Variants in EVC observed in about 807,000 individuals in gnomAD.
EVC encodes the protein evC complex member EVC.
Under a neutral mutation model 118.9 loss-of-function variants are expected in EVC, and 116 were observed. The observed-to-expected ratio is 0.98, with a 90% confidence interval of 0.84 to 1.14. The LOEUF (loss-of-function observed/expected upper bound fraction) is 1.14, where lower values mean the gene tolerates loss of function less well. Among genes scored for constraint, EVC ranks in the 50% most tolerant of loss-of-function variants. The pLI is 0.00. For synonymous variants in EVC, 619 were observed against 534.7 expected (o/e 1.16, Z -2.18); for missense variants, 1,401 against 1,246.4 (o/e 1.12, Z -1.87).
chr4:5,805,130 C>T (rs919105630), intron 17 of EVC, among the ~76,000 whole-genome samples: 11 of 152,148 alleles, frequency 7.2e-5, no homozygotes, highest in Non-Finnish European at 1.5e-4. Context: ...TAGACACGCG[C>T]CTACCCTCTC....
chr4:5,787,295 A>T (rs573186454), intron 12 of EVC, among the ~76,000 whole-genome samples: 63 of 152,374 alleles, frequency 4.1e-4, no homozygotes, highest in African/African-American at 1.3e-3. Context: ...ATGTCTGGTT[A>T]CAAGGCAAAA....
chr4:5,783,891 C>T lies in EVC; in HGVS notation c.1776+127C>T, dbSNP rs373022818. On this transcript the variant is annotated intron_variant, in intron 12 of 20. Coordinates refer to ENST00000264956, the MANE Select transcript of EVC (RefSeq NM_153717.3). ...AGGTGCTCTACGGAGATGACTGTTG[C>T]CTCCCTTTCACAATGGCCCACCACA... 548 of 892,130 alleles carry T rather than the reference C, an allele frequency of 6.1e-4. No homozygotes were observed. In the African/African-American group the frequency reaches 8.0e-3, roughly 13 times the overall value. The allele number at this position is 892,130 out of a possible 1,614,324, so 55.3% of individuals were successfully genotyped here.
Position 5,811,352 on chromosome 4 carries a change from A to G in EVC, c.*315A>G, listed in dbSNP as rs546094341. 4.7e-5 allele frequency: 18 copies of G among 380,816 alleles called. No individual in the cohort carries two copies. Among genetic ancestry groups the G allele is most frequent in the Non-Finnish European group, 8.4e-5 (17 of 201,462 alleles). 23.6% of individuals were successfully genotyped at this position (380,816 alleles called of 1,614,324 possible). A position where few individuals can be genotyped will look rare whatever the true frequency, so the allele number is the denominator to read the frequency against. ...CTTGAGGGGTCCGAGCCTCAGGCCAAGGACCCCTGATGCAGACTCTGGAAT... is the reference window on the plus strand; with the variant it reads ...CTTGAGGGGTCCGAGCCTCAGGCCAGGGACCCCTGATGCAGACTCTGGAAT... On this transcript the variant is annotated 3_prime_UTR_variant, in exon 21 of 21. Transcript: ENST00000264956.
intron 15 of EVC, among the ~76,000 whole-genome samples, chr4:5,799,157 G>C (rs548134611): frequency 6.6e-6 from 1 of 152,140 alleles, no homozygotes; most frequent in Non-Finnish European, 1.5e-5. Context: ...AAAGAGAGAC[G>C]TGTGCTTTCC....
Position 5,749,706 on chromosome 4 carries a change from C to T in EVC, c.1098+1400C>T, listed in dbSNP as rs1237399553. ...AGGGAACGAGCCCTCTGATGCTGCC[C>T]TGCACCCATTTCCCCGTCCTGTGCA... On this transcript the variant is annotated intron_variant, in intron 8 of 20. Coordinates refer to ENST00000264956, the MANE Select transcript of EVC (RefSeq NM_153717.3). The surrounding 1 kb of genome is among the most constrained non-coding windows in gnomAD (Gnocchi z 4.4). Among the ~76,000 whole-genome samples, 1 of 152,170 alleles carries T rather than the reference C, an allele frequency of 6.6e-6. No individual in the cohort carries two copies. Among genetic ancestry groups the T allele is most frequent in the East Asian group, 1.9e-4 (1 of 5,184 alleles).
rs775143568 is a variant in EVC, at chr4:5,756,367, A to G, written c.1563+5A>G. 1.9e-6 allele frequency: 3 copies of G among 1,604,472 alleles called. No homozygotes were observed. Among genetic ancestry groups the G allele is most frequent in the East Asian group, 2.2e-5 (1 of 44,720 alleles). ...GCTGTGGTTGCACTCTGCCAGGTACATGGCCTCTGTGGGGACCAGCAGAGA... is the reference window on the plus strand; with the variant it reads ...GCTGTGGTTGCACTCTGCCAGGTACGTGGCCTCTGTGGGGACCAGCAGAGA... On this transcript the variant is annotated splice_donor_5th_base_variant and intron_variant, in intron 11 of 20. Coordinates refer to ENST00000264956, the MANE Select transcript of EVC (RefSeq NM_153717.3). This position sits in a 1 kb window ranked among gnomAD's most constrained non-coding sequence, Gnocchi z 4.2.
At chr4:5,729,634 C>T (rs1726466026) in intron 3 of EVC, among the ~76,000 whole-genome samples, 1 of 152,108 alleles carries the variant, frequency 6.6e-6, no homozygotes, top group African/African-American at 2.4e-5. Context: ...AGGACAGCTC[C>T]CTCTCTGCCT....
chr4:5,750,534 C>G (rs1730190135), intron 8 of EVC, among the ~76,000 whole-genome samples: 1 of 152,188 alleles, frequency 6.6e-6, no homozygotes, highest in South Asian at 2.1e-4. Flanking sequence ...GGAGCTCCCA[C>G]TGCAGTCTTG....
At chr4:5,722,903 T>A (rs1052417863) in intron 2 of EVC, among the ~76,000 whole-genome samples, 1 of 152,180 alleles carries the variant, frequency 6.6e-6, no homozygotes, top group African/African-American at 2.4e-5. Flanking sequence ...CACCTGACCT[T>A]AATGAGGAGA....
At chr4:5,739,610 T>C (rs903145497) in intron 5 of EVC, among the ~76,000 whole-genome samples, 7 of 152,226 alleles carry the variant, frequency 4.6e-5, no homozygotes, top group African/African-American at 1.7e-4. Flanking sequence ...TTGAGCCAAA[T>C]CTGGCCATGT....
At chr4:5,823,087 G>A in the EVC span, among the ~76,000 whole-genome samples, 4 of 152,156 alleles carry the variant, frequency 2.6e-5, no homozygotes, top group East Asian at 7.7e-4. Context: ...GTTGTCACCT[G>A]CAACAGGAAG....
chr4:5,733,276 A>C lies in EVC; in HGVS notation c.618-75A>C, dbSNP rs1046401093. 5 of 1,212,640 alleles carry C rather than the reference A, an allele frequency of 4.1e-6. No individual in the cohort carries two copies. In the African/African-American group the frequency reaches 7.5e-5, roughly 18 times the overall value. 75.1% of individuals were successfully genotyped at this position (1,212,640 alleles called of 1,614,324 possible). A position where few individuals can be genotyped will look rare whatever the true frequency, so the allele number is the denominator to read the frequency against. ...GGGTGTGCTGTGGCTTGTACTGATG[A>C]GGGACGTGCCAATATTCTTACTCTT... is the stretch of plus-strand genomic sequence containing the variant. On this transcript the variant is annotated intron_variant, in intron 4 of 20. Coordinates refer to ENST00000264956, the MANE Select transcript of EVC (RefSeq NM_153717.3).
intron 1 of EVC, among the ~76,000 whole-genome samples, chr4:5,717,660 C>A (rs542433999): frequency 1.3e-5 from 2 of 152,350 alleles, no homozygotes; most frequent in South Asian, 4.1e-4. Context: ...CTCTCTATGC[C>A]CAGCATGGGC....
intron 15 of EVC, chr4:5,801,730 T>A: frequency 1.6e-5 from 7 of 434,376 alleles, no homozygotes; most frequent in East Asian, 4.3e-5. Context: ...TTCCCTAACA[T>A]CGCATTTCAT....
the EVC span, chr4:5,821,990 G>T: frequency 1.5e-6 from 1 of 650,784 alleles, no homozygotes; most frequent in Non-Finnish European, 2.5e-6. The surrounding 1 kb of genome is among the most constrained non-coding windows in gnomAD (Gnocchi z 4.4). Flanking sequence ...GCCATGGGAA[G>T]CCTCCCTGGC....
rs114565917 is a variant in EVC at position 5,757,570 on chromosome 4, G to A, written c.1563+1208G>A. Among the ~76,000 whole-genome samples, 478 of 152,364 alleles carry A rather than the reference G, an allele frequency of 3.1e-3. 2 individuals carry two copies. The highest frequency in any genetic ancestry group is 0.011 in the African/African-American group (464 of 41,592). On this transcript the variant is annotated intron_variant, in intron 11 of 20. Transcript: ENST00000264956. ...GCCAACAGGATTGACTTCTGGTGAG[G>A]CCTCTCTTCCGGGCTTGCAGACAGC...
At chr4:5,826,023 A>C in the EVC span, 2 of 316,860 alleles carry the variant, frequency 6.3e-6, no homozygotes, top group South Asian at 3.4e-5. Flanking sequence ...ACACACTTAA[A>C]TCACATACAG....
At chr4:5,716,560 CTCAGA>C (rs2151820163) in intron 1 of EVC, among the ~76,000 whole-genome samples, 1 of 152,262 alleles carries the variant, frequency 6.6e-6, no homozygotes, top group Non-Finnish European at 1.5e-5. Flanking sequence ...GCCATGGATC[CTCAGA>C]GTGGATCCAT....
intron 12 of EVC, among the ~76,000 whole-genome samples, chr4:5,793,010 A>G (rs1230638061): frequency 6.6e-6 from 1 of 152,164 alleles, no homozygotes; most frequent in Non-Finnish European, 1.5e-5. Context: ...GAAAATTCCA[A>G]AGAGTCTTTT....
Sources: gnomAD v4.1 joint callset for allele counts (sites outside exome capture counted in the v4.1 genomes callset) on GRCh38, gnomAD v4.1.1 for gene constraint, Gnocchi (gnomAD v3.1) non-coding constraint, MANE v1.5 for transcripts, NCBI Gene and HGNC (gene_info 2026-07-23, HGNC 2026-07-21) for gene names.